PDGFB: variants seen among roughly 807,000 people sequenced by gnomAD.
PDGFB encodes platelet derived growth factor subunit B.
Under a neutral mutation model 29.0 loss-of-function variants are expected in PDGFB, and 6 were observed. The ratio of observed to expected loss-of-function variants is 0.21; its 90% CI spans 0.11 to 0.41. The LOEUF (loss-of-function observed/expected upper bound fraction) is 0.41. Among genes scored for constraint, PDGFB ranks in the 10% least tolerant of loss-of-function variants. PDGFB has a pLI of 1.00. For missense variants in PDGFB, 299 were observed against 341.8 expected (o/e 0.87, Z 0.99); for synonymous variants, 144 against 140.8 (o/e 1.02, Z -0.16).
intron 5 of PDGFB, among the ~76,000 whole-genome samples, chr22:39,229,216 T>A (rs9611122): frequency 2.6e-5 from 4 of 151,878 alleles, no homozygotes; most frequent in South Asian, 2.1e-4. Flanking sequence ...AGGCAGGGTC[T>A]TGCTCTGTTG....
Position 39,242,391 on chromosome 22 carries a change from C to A in PDGFB, c.63+1510G>T. On this transcript the variant is annotated intron_variant, in intron 1 of 6. Coordinates refer to ENST00000331163, the MANE Select transcript of PDGFB (RefSeq NM_002608.4). This position sits in a 1 kb window ranked among gnomAD's most constrained non-coding sequence, Gnocchi z 5.7. ...AGGACGCCCTGGCACCGGGCCCAGC[C>A]CCCAGGTCCCACGGCGAGGCGAGGC... is the stretch of plus-strand genomic sequence containing the variant. 1 of 205,308 alleles carries A rather than the reference C, an allele frequency of 4.9e-6. No individual in the cohort carries two copies. Among genetic ancestry groups the A allele is most frequent in the Non-Finnish European group, 9.9e-6 (1 of 100,518 alleles). 12.7% of individuals were successfully genotyped at this position (205,308 alleles called of 1,614,324 possible).
intron 5 of PDGFB, among the ~76,000 whole-genome samples, chr22:39,228,547 C>T (rs1932220368): frequency 6.6e-6 from 1 of 151,938 alleles, no homozygotes; most frequent in South Asian, 2.1e-4. Context: ...GAGCTATGAT[C>T]ATGCCATTGC....
rs368066142 is a variant in PDGFB at position 39,243,561 on chromosome 22, C to A, written c.63+340G>T. On this transcript the variant is annotated intron_variant, in intron 1 of 6. Coordinates refer to ENST00000331163, the MANE Select transcript of PDGFB (RefSeq NM_002608.4). The surrounding 1 kb of genome is among the most constrained non-coding windows in gnomAD (Gnocchi z 6.4). ...CGGGAGGACGCGCTGCCTTCTGCAC[C>A]CTGGGCACCACCCCACCCCCTCTCC... Among the ~76,000 whole-genome samples, 10 of 152,178 alleles carry A rather than the reference C, an allele frequency of 6.6e-5. No individual in the cohort carries two copies. The highest frequency in any genetic ancestry group is 1.9e-4 in the African/African-American group (8 of 41,454).
intron 1 of PDGFB, among the ~76,000 whole-genome samples, chr22:39,241,808 C>T (rs1285888561): frequency 6.6e-6 from 1 of 152,072 alleles, no homozygotes; most frequent in Non-Finnish European, 1.5e-5. Context: ...CAGCTCAGTG[C>T]CCCTCAGAGT....
intron 1 of PDGFB, among the ~76,000 whole-genome samples, chr22:39,239,072 C>T (rs921798245): frequency 2.6e-5 from 4 of 152,242 alleles, no homozygotes; most frequent in Admixed American, 2.6e-4. Context: ...TTAAATGGGG[C>T]TAATAATACC....
At chr22:39,230,855 G>A (rs750882024) in intron 4 of PDGFB, among the ~76,000 whole-genome samples, 4 of 152,338 alleles carry the variant, frequency 2.6e-5, no homozygotes, top group Non-Finnish European at 5.9e-5. Flanking sequence ...AGAGAAATGC[G>A]CACTGCCCAG....
chr22:39,243,593 C>G lies in PDGFB; in HGVS notation c.63+308G>C, dbSNP rs1321204945. 6.6e-6 allele frequency among the ~76,000 whole-genome samples: 1 copy of G among 152,184 alleles called. No homozygotes were observed. The highest frequency in any genetic ancestry group is 1.5e-5 in the Non-Finnish European group (1 of 68,030). Reference sequence around the variant, plus strand: ...ACCACCCCACCCCCTCTCCCCCGGCCGGGAAGGGGCTTGTTCTCGGGTTCC... The same window carrying G: ...ACCACCCCACCCCCTCTCCCCCGGCGGGGAAGGGGCTTGTTCTCGGGTTCC... On this transcript the variant is annotated intron_variant, in intron 1 of 6. Transcript: ENST00000331163. The surrounding 1 kb of genome is among the most constrained non-coding windows in gnomAD (Gnocchi z 6.4).
chr22:39,240,350 T>TC (rs1282215040), intron 1 of PDGFB, among the ~76,000 whole-genome samples: 2 of 145,122 alleles, frequency 1.4e-5, no homozygotes, highest in Non-Finnish European at 3.0e-5. Context: ...TCTCTCTCTC[T>TC]TTTTTTTTTT....
Position 39,233,417 on chromosome 22 carries a change from T to C in PDGFB, c.250+18A>G. The C allele has an allele frequency of 6.3e-7, 1 of 1,577,818 alleles. No individual in the cohort carries two copies. Among genetic ancestry groups the C allele is most frequent in the Middle Eastern group, 1.7e-4 (1 of 6,002 alleles). ...CCATGCTAATTTGAAGGACCCTTGTTGGGTGTCTCAGTCTTACCCAGGCTC... is the reference window on the plus strand; with the variant it reads ...CCATGCTAATTTGAAGGACCCTTGTCGGGTGTCTCAGTCTTACCCAGGCTC... On this transcript the variant is annotated intron_variant, in intron 3 of 6. Transcript: ENST00000331163.
chr22:39,226,432 C>T (rs938971744), intron 5 of PDGFB, among the ~76,000 whole-genome samples: 3 of 152,036 alleles, frequency 2.0e-5, no homozygotes, highest in Non-Finnish European at 4.4e-5. Flanking sequence ...TGGCTCTCCC[C>T]GTAGAGCCAG....
chr22:39,244,011 C>G lies in PDGFB; in HGVS notation c.-48G>C. The G allele has an allele frequency of 1.6e-6, 2 of 1,257,204 alleles. No homozygotes were observed. The highest frequency in any genetic ancestry group is 2.8e-5 in the South Asian group (2 of 72,112). 77.9% of individuals were successfully genotyped at this position (1,257,204 alleles called of 1,614,324 possible). On this transcript the variant is annotated 5_prime_UTR_variant, in exon 1 of 7. Transcript: ENST00000331163. The surrounding 1 kb of genome is among the most constrained non-coding windows in gnomAD (Gnocchi z 4.5). ...CGGGGCCCCGGACGCGTAGATCGAG[C>G]GCGCCGCCCCCGCGGCCAGGGTGGG...
chr22:39,230,776 C>T lies in PDGFB; in HGVS notation c.457-548G>A, dbSNP rs538842258. On this transcript the variant is annotated intron_variant, in intron 4 of 6. Transcript: ENST00000331163. ...GGAAGGTGGGCAGGAGGAGAGGCCA[C>T]GGGCTGGTGGCAGGAGAAGGAAGTG... is the stretch of plus-strand genomic sequence containing the variant. Among the ~76,000 whole-genome samples, 10 of 152,322 alleles carry T rather than the reference C, an allele frequency of 6.6e-5. No homozygotes were observed. In the East Asian group the frequency reaches 1.3e-3, roughly 21 times the overall value.
intron 1 of PDGFB, among the ~76,000 whole-genome samples, chr22:39,237,237 G>C (rs927577375): frequency 6.8e-6 from 1 of 147,768 alleles, no homozygotes; most frequent in Non-Finnish European, 1.5e-5. Context: ...CACCTCCAGG[G>C]GTTCATCCAT....
At position 39,243,954 on chromosome 22, in the gene PDGFB, A is replaced by G; in HGVS notation, c.10T>C (p.Cys4Arg). MNR[C>R]WALFLSLCCY... ...CAGAGAGACAGGAAGAGCGCCCAGC[A>G]GCGATTCATGCCGACTCCGGGCCCG... The change falls in exon 1 of 7, where the codon TGC (cysteine) becomes CGC (arginine). Residue 4 changes from cysteine (C) to arginine (R), a missense_variant. Physicochemically the swap from Cys to Arg is radical, Grantham distance 180. Transcript: ENST00000331163. This position sits in a 1 kb window ranked among gnomAD's most constrained non-coding sequence, Gnocchi z 6.4. 6 of 1,564,208 alleles carry G rather than the reference A, an allele frequency of 3.8e-6. No homozygotes were observed. Among genetic ancestry groups the G allele is most frequent in the Non-Finnish European group, 5.2e-6 (6 of 1,150,974 alleles).
chr22:39,235,174 G>C (rs1932411238), intron 2 of PDGFB, among the ~76,000 whole-genome samples: 1 of 152,182 alleles, frequency 6.6e-6, no homozygotes, highest in African/African-American at 2.4e-5. Context: ...AGAGGGAAGG[G>C]GACCTGGGGG....
chr22:39,238,355 G>A (rs2050488728), intron 1 of PDGFB, among the ~76,000 whole-genome samples: 1 of 152,070 alleles, frequency 6.6e-6, no homozygotes, highest in Non-Finnish European at 1.5e-5. Context: ...AGCAACTAGA[G>A]TCCCTTTTAA....
rs1211662492 is a variant in PDGFB, at chr22:39,244,235, T to C, written c.-272A>G. 1 of 237,074 alleles carries C rather than the reference T, an allele frequency of 4.2e-6. No individual in the cohort carries two copies. Among genetic ancestry groups the C allele is most frequent in the Admixed American group, 5.7e-5 (1 of 17,646 alleles). 14.7% of individuals were successfully genotyped at this position (237,074 alleles called of 1,614,324 possible). A position where few individuals can be genotyped will look rare whatever the true frequency, so the allele number is the denominator to read the frequency against. On this transcript the variant is annotated 5_prime_UTR_variant, in exon 1 of 7. The change abolishes an upstream ATG in the 5' untranslated region. Coordinates refer to ENST00000331163, the MANE Select transcript of PDGFB (RefSeq NM_002608.4). The surrounding 1 kb of genome is among the most constrained non-coding windows in gnomAD (Gnocchi z 4.5). ...GGCGGATCCCGAGCCCGAGTGAGCA[T>C]CCACGGCCGGGGGGCTGCGTCGCGA...
rs117039067 is a variant in PDGFB, at chr22:39,236,056, C to T, written c.64-182G>A. On this transcript the variant is annotated intron_variant, in intron 1 of 6. Coordinates refer to ENST00000331163, the MANE Select transcript of PDGFB (RefSeq NM_002608.4). ...CAAAGGCCTCGGGGCCTGGACCTGC[C>T]GAAGCCTCTGAGACCCAGCTCAGTC... Among the ~76,000 whole-genome samples the T allele has an allele frequency of 2.7e-3, 410 of 152,300 alleles. 2 individuals are homozygous for T. The highest frequency in any genetic ancestry group is 2.8e-3 in the Non-Finnish European group (193 of 68,034).
chr22:39,233,452 C>A lies in PDGFB; in HGVS notation c.233G>T (p.Arg78Leu), dbSNP rs1932361316. The change falls in exon 3 of 7, where the codon CGT becomes CTT. Residue 78 changes from arginine (R) to leucine (L), a missense_variant. Arg to Leu is a moderately radical substitution (Grantham distance 102). Coordinates refer to ENST00000331163, the MANE Select transcript of PDGFB (RefSeq NM_002608.4). ...AGTCTTACCCAGGCTCCTTCTTCCA[C>A]GAGCCAAGCTCTCCAGCTCGCCTCC... Reference protein sequence around the residue: ...HSGGELESLARGRRSLGSLTI... With the variant: ...HSGGELESLALGRRSLGSLTI... 1 of 1,593,228 alleles carries A rather than the reference C, an allele frequency of 6.3e-7. No homozygotes were observed. Among genetic ancestry groups the A allele is most frequent in the Non-Finnish European group, 8.5e-7 (1 of 1,170,838 alleles).
Sources: gnomAD v4.1 joint callset for allele counts (sites outside exome capture counted in the v4.1 genomes callset) on GRCh38, gnomAD v4.1.1 for gene constraint, Gnocchi (gnomAD v3.1) non-coding constraint, MANE v1.5 for transcripts, NCBI Gene and HGNC (gene_info 2026-07-23, HGNC 2026-07-21) for gene names.